PFKFB1: variants seen among roughly 807,000 people sequenced by gnomAD.
PFKFB1 encodes the protein 6-phosphofructo-2-kinase/fructose-2,6-bisphosphatase 1.
Under a neutral mutation model 46.4 loss-of-function variants are expected in PFKFB1, and 34 were observed. The ratio of observed to expected loss-of-function variants is 0.73; its 90% CI spans 0.56 to 0.98. PFKFB1 has a LOEUF of 0.98. PFKFB1 is among the 50% of genes least tolerant of loss of function. The pLI, the probability that PFKFB1 is intolerant of heterozygous loss-of-function variation, is 0.00. For missense variants in PFKFB1, 393 were observed against 376.3 expected (o/e 1.04, Z -0.37); for synonymous variants, 119 against 133.8 (o/e 0.89, Z 0.76).
intron 1 of PFKFB1, among the ~76,000 whole-genome samples, chrX:54,984,258 T>C (rs1173157042): frequency 1.8e-5 from 2 of 111,527 alleles, no homozygotes; most frequent in African/African-American, 6.5e-5. Context: ...TTTTAAAAAA[T>C]CCCTATTTGC....
chrX:54,995,419 C>CAA (rs1935342675), upstream of PFKFB1, among the ~76,000 whole-genome samples: 1 of 112,370 alleles, frequency 8.9e-6, no homozygotes, highest in Admixed American at 9.4e-5. Context: ...GTAGTCTACA[C>CAA]AAGGGTCAGA....
At chrX:54,967,021 G>A (rs899172641) in intron 1 of PFKFB1, among the ~76,000 whole-genome samples, 2 of 111,236 alleles carry the variant, frequency 1.8e-5, no homozygotes, top group Non-Finnish European at 3.8e-5. Flanking sequence ...CCACTAGATG[G>A]TACACATGCA....
chrX:54,945,267 A>G (rs1276981850), intron 10 of PFKFB1, among the ~76,000 whole-genome samples, 172 bp downstream of exon 10: 1 of 112,404 alleles, frequency 8.9e-6, no homozygotes, highest in Non-Finnish European at 1.9e-5. Flanking sequence ...GCCTATAGCC[A>G]AGAATCTAAA....
chrX:54,989,689 G>C (rs1411561546), intron 1 of PFKFB1, among the ~76,000 whole-genome samples: 2 of 112,178 alleles, frequency 1.8e-5, no homozygotes, highest in African/African-American at 6.5e-5. Flanking sequence ...AGTCTCAACA[G>C]ATTTCAAAGA....
intron 10 of PFKFB1, among the ~76,000 whole-genome samples, chrX:54,939,326 G>A (rs915999872): frequency 2.7e-5 from 3 of 111,558 alleles, no homozygotes; most frequent in East Asian, 2.8e-4. Context: ...CATCACAACT[G>A]AAAGAACTAG....
At chrX:54,952,183 C>G in intron 7 of PFKFB1, 71 bp from the exon 8 acceptor site, 1 of 806,066 alleles carries the variant, frequency 1.2e-6, no homozygotes. Flanking sequence ...CCGAGAGAAA[C>G]CCCGAACCAC....
rs755610050 is a variant in PFKFB1, at chrX:54,993,942, G to C, written c.66C>G (p.Ser22Arg). The C allele has an allele frequency of 8.3e-7, 1 of 1,207,212 alleles. No homozygotes were observed. Among genetic ancestry groups the C allele is most frequent in the East Asian group, 3.0e-5 (1 of 33,757 alleles). ...TTCTCCGTTGCAGCCTGCTGCTGCC[G>C]CTGCTGTGTGGAATCCAGATCTTCT... is the stretch of plus-strand genomic sequence containing the variant. ...RLQKIWIPHS[S>R]GSSRLQRRRG... Residue 22 changes from serine (S) to arginine (R), a missense_variant, in exon 1 of 14, where the codon AGC becomes AGG. Physicochemically the swap from Ser to Arg is moderately radical, Grantham distance 110. Coordinates refer to ENST00000375006, the MANE Select transcript of PFKFB1 (RefSeq NM_002625.4).
intron 9 of PFKFB1, among the ~76,000 whole-genome samples, chrX:54,948,516 G>A (rs1292922393): frequency 8.9e-6 from 1 of 111,948 alleles, no homozygotes; most frequent in Admixed American, 9.4e-5. Context: ...AAGCCTGGTG[G>A]CCTGGCTTCC....
intron 1 of PFKFB1, among the ~76,000 whole-genome samples, chrX:54,992,598 G>A (rs187891653): frequency 1.7e-3 from 189 of 112,299 alleles, no homozygotes; most frequent in African/African-American, 6.0e-3. Context: ...CCAAACAAAA[G>A]TAAGCACATA....
chrX:54,976,742 T>C (rs1934849186), intron 1 of PFKFB1, among the ~76,000 whole-genome samples: 1 of 111,710 alleles, frequency 9.0e-6, no homozygotes, highest in African/African-American at 3.2e-5. Context: ...ACAACCAAGA[T>C]GCTCTTCAGT....
chrX:54,947,926 A>ATT (rs113193806), intron 9 of PFKFB1, among the ~76,000 whole-genome samples: 5 of 98,342 alleles, frequency 5.1e-5, no homozygotes, highest in Admixed American at 2.2e-4. Flanking sequence ...TTCCACCTTA[A>ATT]TTTTTTTTTT....
chrX:54,998,559 G>T, upstream of PFKFB1: 1 of 527,715 alleles, frequency 1.9e-6, no homozygotes, highest in Non-Finnish European at 3.2e-6. Flanking sequence ...ACGTACCCTT[G>T]TTAAGTGGGG....
intron 9 of PFKFB1, among the ~76,000 whole-genome samples, chrX:54,946,012 C>CGT (rs1017387647): frequency 7.5e-5 from 8 of 106,204 alleles, no homozygotes; most frequent in Non-Finnish European, 1.6e-4. Context: ...TGTGTGCTTG[C>CGT]GTGTGTGTGT....
Position 54,933,124 on chromosome X carries a change from A to G in PFKFB1, c.*279T>C, listed in dbSNP as rs1378118281. On this transcript the variant is annotated 3_prime_UTR_variant, in exon 14 of 14. Transcript: ENST00000375006. Reference sequence around the variant, plus strand: ...GGATTAGGGTCAGTACCTTGAGAACAACTGGAAAAGCCTCGCCATGACCTC... The same window carrying G: ...GGATTAGGGTCAGTACCTTGAGAACGACTGGAAAAGCCTCGCCATGACCTC... The G allele has an allele frequency of 2.8e-6, 1 of 352,976 alleles. No homozygotes were observed. The highest frequency in any genetic ancestry group is 2.6e-5 in the African/African-American group (1 of 38,737). The allele number at this position is 352,976 out of a possible 1,213,427, so 29.1% of individuals were successfully genotyped here. A position where few individuals can be genotyped will look rare whatever the true frequency, so the allele number is the denominator to read the frequency against.
chrX:54,955,422 A>G (rs1313279534), intron 7 of PFKFB1, among the ~76,000 whole-genome samples: 1 of 111,582 alleles, frequency 9.0e-6, no homozygotes, highest in East Asian at 2.8e-4. Context: ...AACATTCTAT[A>G]TCTAAAACTC....
At chrX:54,954,901 C>G (rs183950815) in intron 7 of PFKFB1, among the ~76,000 whole-genome samples, 1 of 112,554 alleles carries the variant, frequency 8.9e-6, no homozygotes, top group African/African-American at 3.2e-5. Context: ...ATTCATCAAA[C>G]AGCAACCTAG....
At chrX:54,938,712 C>T (rs1269648018) in intron 10 of PFKFB1, among the ~76,000 whole-genome samples, 2 of 111,468 alleles carry the variant, frequency 1.8e-5, no homozygotes, top group Non-Finnish European at 3.8e-5. Flanking sequence ...ATATATGCAC[C>T]CAATACAGGA....
At chrX:54,942,094 T>G (rs902035340) in intron 10 of PFKFB1, among the ~76,000 whole-genome samples, 6 of 111,515 alleles carry the variant, frequency 5.4e-5, no homozygotes, top group African/African-American at 1.6e-4. Context: ...TCCTTTGTAG[T>G]GACATGGATG....
chrX:54,960,790 G>T, intron 3 of PFKFB1, 34 bp downstream of exon 3: 2 of 959,432 alleles, frequency 2.1e-6, no homozygotes, highest in South Asian at 1.9e-5. Flanking sequence ...TCAGCCATGA[G>T]ACAGCACAGG....
Sources: allele counts gnomAD v4.1 joint callset (sites outside exome capture counted in the v4.1 genomes callset), GRCh38; gene constraint gnomAD v4.1.1; transcripts MANE v1.5; gene names NCBI Gene and HGNC (gene_info 2026-07-23, HGNC 2026-07-21).